The following NBPF26 variants were observed in gnomAD, a reference collection of about 807,000 sequenced individuals.
NBPF26 encodes the protein NBPF member 26.
Under a neutral mutation model 119.6 loss-of-function variants are expected in NBPF26, and 79 were observed. The ratio of observed to expected loss-of-function variants is 0.66; its 90% CI spans 0.55 to 0.80. The LOEUF (loss-of-function observed/expected upper bound fraction) is 0.80. Among genes scored for constraint, NBPF26 ranks in the 30% least tolerant of loss-of-function variants. NBPF26 has a pLI of 0.00. For missense variants in NBPF26, 800 were observed against 1,198.2 expected, an observed-to-expected ratio of 0.67 and a Z score of 4.91; for synonymous variants, 299 against 457.7, an observed-to-expected ratio of 0.65 and a Z score of 4.43.
chr1:120,763,686 C>T, exon 2 of NBPF26: 3 of 1,400,664 alleles, frequency 2.1e-6, no homozygotes, highest in East Asian at 2.3e-5. Flanking sequence ...GTGTTACCTA[C>T]CACAGTGGCA....
chr1:120,810,276 G>T, intron 8 of NBPF26, 71 bp from the exon 9 acceptor site: 2 of 1,460,962 alleles, frequency 1.4e-6, no homozygotes, highest in Non-Finnish European at 9.3e-7. Context: ...GTCAAAACCA[G>T]CTAGGACTCC....
In NBPF26 at chr1:120,759,685, G is replaced by C. The variant is rs1238451314; in HGVS notation, c.74-3943G>C. Among the ~76,000 whole-genome samples the C allele has an allele frequency of 2.8e-5, 3 of 108,838 alleles. 1 individual carries two copies. Among genetic ancestry groups the C allele is most frequent in the Non-Finnish European group, 5.1e-5 (3 of 58,674 alleles). 71.4% of individuals were successfully genotyped at this position (108,838 alleles called of 152,430 possible). The stretch of plus-strand genomic sequence containing the variant: ...TCCTGAGTAAAGCCACAAGTCTCAA[G>C]ATTATTTTTCTTTTTTTAAAAATTA... On this transcript the variant is annotated intron_variant, in intron 1 of 29. Transcript: ENST00000620612.
intron 8 of NBPF26, 39 bp from the exon 9 acceptor site, chr1:120,810,308 T>C: frequency 6.4e-7 from 1 of 1,562,750 alleles, no homozygotes; most frequent in South Asian, 1.1e-5. Flanking sequence ...TCCCTCTGTG[T>C]TTAATCTTCT....
rs1651105007 is a variant in NBPF26, at chr1:120,758,969, A to G, written c.74-4659A>G. Among the ~76,000 whole-genome samples the G allele has an allele frequency of 1.8e-5, 2 of 108,310 alleles. 1 individual carries two copies. The highest frequency in any genetic ancestry group is 1.8e-4 in the Admixed American group (2 of 11,122). 71.1% of individuals were successfully genotyped at this position (108,310 alleles called of 152,430 possible). ...TATACATTACTGGGTTTTGTTTCCA[A>G]TGGAACTTATCGCTTATTACTGTCC... On this transcript the variant is annotated intron_variant, in intron 1 of 29. Coordinates refer to ENST00000620612, the Ensembl canonical transcript of NBPF26.
In NBPF26 at chr1:120,784,471, C is replaced by A. The variant is rs1201687602; in HGVS notation, c.156-503C>A. Reference sequence around the variant, plus strand: ...GCTGCTCTCTGTGTTATGGCCTTTGCATTTGCTGTTCCCTTTCTCATGAAT... The same window carrying A: ...GCTGCTCTCTGTGTTATGGCCTTTGAATTTGCTGTTCCCTTTCTCATGAAT... On this transcript the variant is annotated intron_variant, in intron 2 of 29. Coordinates refer to ENST00000620612, the Ensembl canonical transcript of NBPF26. Among the ~76,000 whole-genome samples the A allele has an allele frequency of 8.5e-5, 10 of 117,120 alleles. 1 individual carries two copies. Among genetic ancestry groups the A allele is most frequent in the Non-Finnish European group, 1.3e-4 (8 of 61,002 alleles). The allele number at this position is 117,120 out of a possible 152,430, so 76.8% of individuals were successfully genotyped here.
intron 15 of NBPF26, among the ~76,000 whole-genome samples, chr1:120,818,771 G>T (rs1162417322): frequency 8.3e-6 from 1 of 120,310 alleles, no homozygotes; most frequent in Non-Finnish European, 1.7e-5. Flanking sequence ...AGGTTGTTCA[G>T]TTTCCATGTA....
intron 22 of NBPF26, among the ~76,000 whole-genome samples, 198 bp from the exon 27 acceptor site, chr1:120,832,677 C>G (rs1257834380): frequency 8.3e-6 from 1 of 121,144 alleles, no homozygotes; most frequent in Admixed American, 7.8e-5. Context: ...AATAGGGACA[C>G]TTTACCCACA....
At chr1:120,813,347 A>T (rs1651923334) in intron 10 of NBPF26, among the ~76,000 whole-genome samples, 1 of 127,986 alleles carries the variant, frequency 7.8e-6, no homozygotes, top group Admixed American at 7.4e-5. Flanking sequence ...TATTTCCTTC[A>T]TGGCCTAATG....
chr1:120,765,061 T>C lies in NBPF26; in HGVS notation c.155+1352T>C, dbSNP rs1273578868. On this transcript the variant is annotated intron_variant, in intron 2 of 29. Transcript: ENST00000620612. ...AAAATATTTTAAGCTGTGATGACAG[T>C]AAAGCTTAACAATAGGTTGTTTGGA... Among the ~76,000 whole-genome samples, 8 of 102,844 alleles carry C rather than the reference T, an allele frequency of 7.8e-5. 1 individual carries two copies. Among genetic ancestry groups the C allele is most frequent in the African/African-American group, 4.7e-4 (8 of 16,992 alleles). The allele number at this position is 102,844 out of a possible 152,430, so 67.5% of individuals were successfully genotyped here. A position where few individuals can be genotyped will look rare whatever the true frequency, so the allele number is the denominator to read the frequency against.
At chr1:120,838,889 A>G (rs1553273233) in exon 28 of NBPF26, 5,239 of 34,652 alleles carry the variant, frequency 0.15, no homozygotes, top group East Asian at 0.26. Context: ...TGGAGGAAAA[A>G]CATGTTGGCT....
intron 1 of NBPF26, among the ~76,000 whole-genome samples, chr1:120,745,071 G>A (rs1281668871): frequency 3.8e-5 from 2 of 52,066 alleles, no homozygotes; most frequent in South Asian, 5.6e-4. Flanking sequence ...AGTGAGCCAT[G>A]ATTATGCCAC....
Position 120,793,773 on chromosome 1 carries a change from G to C in NBPF26, c.751+277G>C, listed in dbSNP as rs1252055643. The C allele has an allele frequency of 1.1e-5, 11 of 1,008,274 alleles. 3 individuals carry two copies. The highest frequency in any genetic ancestry group is 7.1e-5 in the African/African-American group (2 of 28,052). The allele number at this position is 1,008,274 out of a possible 1,614,324, so 62.5% of individuals were successfully genotyped here. A position where few individuals can be genotyped will look rare whatever the true frequency, so the allele number is the denominator to read the frequency against. ...AACAGTGAGAAATAAGAGGAACAGAGCTCTGGGAAAGAGACAGGCAAGTCT... is the reference window on the plus strand; with the variant it reads ...AACAGTGAGAAATAAGAGGAACAGACCTCTGGGAAAGAGACAGGCAAGTCT... On this transcript the variant is annotated intron_variant, in intron 4 of 29. Transcript: ENST00000620612.
At chr1:120,801,438 G>C (rs1189390956) in intron 4 of NBPF26, among the ~76,000 whole-genome samples, 2 of 103,434 alleles carry the variant, frequency 1.9e-5, no homozygotes, top group African/African-American at 1.1e-4. Flanking sequence ...TGATTTTTGT[G>C]ATATATGAAT....
At chr1:120,809,664 C>T (rs1385604819) in intron 7 of NBPF26, 147 bp from the exon 8 acceptor site, 1 of 1,235,666 alleles carries the variant, frequency 8.1e-7, no homozygotes, top group African/African-American at 1.8e-5. Context: ...GAAACCATGC[C>T]AGGGCATTTT....
At chr1:120,822,932 A>T (rs1193570048) in intron 16 of NBPF26, among the ~76,000 whole-genome samples, 1 of 125,662 alleles carries the variant, frequency 8.0e-6, no homozygotes, top group East Asian at 2.0e-4. Flanking sequence ...CTCTGTGTCC[A>T]CAATCTCATA....
chr1:120,840,701 T>G (rs61810197), downstream of NBPF26: 974,535 of 1,242,692 alleles, frequency 0.78, 430,151 homozygotes, highest in African/African-American at 0.92. Flanking sequence ...CATAGGATGG[T>G]TCAGTGGGCA....
intron 4 of NBPF26, among the ~76,000 whole-genome samples, chr1:120,794,248 G>A (rs1651530743): frequency 8.8e-6 from 1 of 113,390 alleles, no homozygotes; most frequent in Admixed American, 8.5e-5. Context: ...GTGTCGGGGA[G>A]CTTGGGGCCT....
chr1:120,815,282 A>G (rs1283757244), intron 12 of NBPF26, among the ~76,000 whole-genome samples: 2 of 116,504 alleles, frequency 1.7e-5, no homozygotes, highest in Non-Finnish European at 3.3e-5. Flanking sequence ...AGCAAGAGGC[A>G]GCATCTATCT....
At position 120,770,251 on chromosome 1, in the gene NBPF26, G is replaced by A. The variant is rs1651247463; in HGVS notation, c.155+6542G>A. On this transcript the variant is annotated intron_variant, in intron 2 of 29. Coordinates refer to ENST00000620612, the Ensembl canonical transcript of NBPF26. ...GTGGCGCTTTCTTGGCTCACTGCAAGCTCCGCCTCCCGGGTTCATGCCATT... is the reference window on the plus strand; with the variant it reads ...GTGGCGCTTTCTTGGCTCACTGCAAACTCCGCCTCCCGGGTTCATGCCATT... Among the ~76,000 whole-genome samples the A allele has an allele frequency of 2.9e-5, 3 of 104,112 alleles. 1 individual carries two copies. The highest frequency in any genetic ancestry group is 1.3e-4 in the African/African-American group (2 of 15,796). The allele number at this position is 104,112 out of a possible 152,430, so 68.3% of individuals were successfully genotyped here. A position where few individuals can be genotyped will look rare whatever the true frequency, so the allele number is the denominator to read the frequency against.
Sources: allele counts gnomAD v4.1 joint callset (sites outside exome capture counted in the v4.1 genomes callset), GRCh38; gene constraint gnomAD v4.1.1; transcripts MANE v1.5; gene names NCBI Gene and HGNC (gene_info 2026-07-23, HGNC 2026-07-21).